The following ZNF609 variants were observed in gnomAD, a reference collection of about 807,000 sequenced individuals.
The protein encoded by ZNF609 is zinc finger protein 609.
A neutral mutation model predicts 109.5 loss-of-function variants in ZNF609; 11 were observed. The observed-to-expected ratio is 0.10, with a 90% CI of 0.06 to 0.17. The LOEUF is 0.17. Among genes scored for constraint, ZNF609 ranks in the 10% least tolerant of loss-of-function variants. The pLI is 1.00. For missense variants in ZNF609, 1,559 were observed against 1,772.4 expected (o/e 0.88, Z 2.16); for synonymous variants, 646 against 662.0 (o/e 0.98, Z 0.37).
chr15:64,552,705 A>AGT (rs1304891967), intron 2 of ZNF609, among the ~76,000 whole-genome samples: 1 of 152,178 alleles, frequency 6.6e-6, no homozygotes, highest in African/African-American at 2.4e-5. Flanking sequence ...GCTGGAGTGC[A>AGT]GTGATGGGAT....
At chr15:64,552,420 G>A (rs1037485060) in intron 2 of ZNF609, among the ~76,000 whole-genome samples, 1 of 152,150 alleles carries the variant, frequency 6.6e-6, no homozygotes, top group South Asian at 2.1e-4. Flanking sequence ...TGCCCAGACT[G>A]GAGTGCAGTG....
intron 2 of ZNF609, among the ~76,000 whole-genome samples, chr15:64,579,556 C>T (rs1027019901): frequency 2.0e-5 from 3 of 150,822 alleles, no homozygotes; most frequent in African/African-American, 7.4e-5. Context: ...ACTAAAAGTA[C>T]AAAAAAAATT....
rs892538544 is a variant in ZNF609 at position 64,524,520 on chromosome 15, C to T, written c.747+24354C>T. 1.8e-4 allele frequency among the ~76,000 whole-genome samples: 26 copies of T among 148,194 alleles called. 1 individual carries two copies. Among genetic ancestry groups the T allele is most frequent in the Admixed American group, 1.2e-3 (18 of 14,800 alleles). On this transcript the variant is annotated intron_variant, in intron 2 of 9. Coordinates refer to ENST00000326648, the MANE Select transcript of ZNF609 (RefSeq NM_015042.2). Reference sequence around the variant, plus strand: ...TGGAGGTTGCAATGAGGCAAGATTGCGTCATTGCACTCCAGTCTGGGAGAC... The same window carrying T: ...TGGAGGTTGCAATGAGGCAAGATTGTGTCATTGCACTCCAGTCTGGGAGAC...
chr15:64,646,348 C>T (rs551210139), intron 3 of ZNF609, among the ~76,000 whole-genome samples: 4 of 151,772 alleles, frequency 2.6e-5, no homozygotes, highest in Admixed American at 6.6e-5. Context: ...TACAAAATGG[C>T]GGCCAGGCAT....
At chr15:64,617,658 T>A (rs931060057) in intron 2 of ZNF609, among the ~76,000 whole-genome samples, 1 of 152,082 alleles carries the variant, frequency 6.6e-6, no homozygotes, top group African/African-American at 2.4e-5. Context: ...TGGGAGCCTG[T>A]AATCCCAGCT....
chr15:64,615,151 T>C (rs1248851561), intron 2 of ZNF609, among the ~76,000 whole-genome samples: 1 of 151,824 alleles, frequency 6.6e-6, no homozygotes, highest in East Asian at 1.9e-4. Flanking sequence ...TTGAAGACAG[T>C]ATCTCATTCT....
intron 2 of ZNF609, among the ~76,000 whole-genome samples, chr15:64,580,874 G>GT (rs1895089128): frequency 7.0e-6 from 1 of 143,352 alleles, no homozygotes; most frequent in African/African-American, 2.6e-5. Context: ...ATTTTTCCTT[G>GT]TTTTTTAATG....
chr15:64,657,879 T>C (rs1896513686), intron 3 of ZNF609, among the ~76,000 whole-genome samples: 1 of 152,188 alleles, frequency 6.6e-6, no homozygotes, highest in Non-Finnish European at 1.5e-5. Context: ...TCTTTTTTTT[T>C]TAGCCCTTGA....
chr15:64,466,125 A>G (rs1893010834), intron 1 of ZNF609, among the ~76,000 whole-genome samples: 2 of 151,432 alleles, frequency 1.3e-5, no homozygotes, highest in African/African-American at 2.4e-5. Context: ...TCAAAAAAAA[A>G]AAAAAAAAAA....
At chr15:64,631,608 C>G in intron 3 of ZNF609, 1 of 393,216 alleles carries the variant, frequency 2.5e-6, no homozygotes, top group Non-Finnish European at 4.7e-6. Context: ...TCTCGGCTCA[C>G]CACAATCTCC....
At chr15:64,477,436 G>A (rs970297665) in intron 1 of ZNF609, among the ~76,000 whole-genome samples, 1 of 151,704 alleles carries the variant, frequency 6.6e-6, no homozygotes, top group African/African-American at 2.4e-5. Context: ...CACCACGCCT[G>A]GCCTGCTTTA....
intron 3 of ZNF609, among the ~76,000 whole-genome samples, chr15:64,627,368 G>A (rs1895981267): frequency 6.6e-6 from 1 of 152,160 alleles, no homozygotes; most frequent in Non-Finnish European, 1.5e-5. Context: ...AGGCAAGGCT[G>A]ACTTTAGGTA....
intron 1 of ZNF609, among the ~76,000 whole-genome samples, chr15:64,483,694 G>C (rs1489711851): frequency 6.6e-6 from 1 of 152,096 alleles, no homozygotes; most frequent in African/African-American, 2.4e-5. Flanking sequence ...CACTGTTTCA[G>C]TGTCTACTGA....
chr15:64,555,381 T>C (rs900094816), intron 2 of ZNF609, among the ~76,000 whole-genome samples: 1 of 151,178 alleles, frequency 6.6e-6, no homozygotes. Flanking sequence ...ATGAATAAAT[T>C]GGGCTGGGTG....
intron 3 of ZNF609, among the ~76,000 whole-genome samples, chr15:64,659,653 C>G (rs1896545261): frequency 1.3e-5 from 2 of 152,010 alleles, no homozygotes; most frequent in Non-Finnish European, 2.9e-5. Context: ...TCTCAGGAAC[C>G]TTCAAAGGGA....
intron 3 of ZNF609, among the ~76,000 whole-genome samples, chr15:64,640,673 C>T (rs1477392919): frequency 6.6e-6 from 1 of 152,136 alleles, no homozygotes; most frequent in African/African-American, 2.4e-5. Flanking sequence ...CAAAGCTGTT[C>T]CATTGAGATG....
chr15:64,476,690 GCAGT>G (rs1463822686), intron 1 of ZNF609, among the ~76,000 whole-genome samples: 1 of 152,186 alleles, frequency 6.6e-6, no homozygotes, highest in Admixed American at 6.5e-5. Context: ...GGTGAAAATT[GCAGT>G]CAGTCTTGTC....
chr15:64,661,765 G>A (rs757889808), intron 3 of ZNF609, among the ~76,000 whole-genome samples: 8 of 152,134 alleles, frequency 5.3e-5, no homozygotes, highest in Non-Finnish European at 1.2e-4. Context: ...CCCAGGAGTG[G>A]ACCTCAGCAT....
chr15:64,676,902 C>T (rs986060125), intron 5 of ZNF609, among the ~76,000 whole-genome samples: 16 of 150,544 alleles, frequency 1.1e-4, no homozygotes, highest in South Asian at 4.2e-4. Flanking sequence ...TACAGGTGCA[C>T]GCCACCACAC....
Sources: gnomAD v4.1 joint callset for allele counts (sites outside exome capture counted in the v4.1 genomes callset) on GRCh38, gnomAD v4.1.1 for gene constraint, MANE v1.5 for transcripts, NCBI Gene and HGNC (gene_info 2026-07-23, HGNC 2026-07-21) for gene names.